Variants in TENM2 observed in about 807,000 individuals in gnomAD.
TENM2 encodes teneurin-2.
A neutral mutation model predicts 245.2 loss-of-function variants in TENM2; 52 were observed. That is an observed-to-expected ratio of 0.21 (90% CI 0.17 to 0.27). TENM2 has a LOEUF of 0.27. TENM2 is among the 10% of genes least tolerant of loss of function. TENM2 has a pLI of 1.00. For synonymous variants in TENM2, 1,363 were observed against 1,438.9 expected, an observed-to-expected ratio of 0.95 and a Z score of 1.19; for missense variants, 3,046 against 3,666.8, an observed-to-expected ratio of 0.83 and a Z score of 4.37.
chr5:167,071,322 T>C, the TENM2 span, among the ~76,000 whole-genome samples: 1 of 152,142 alleles, frequency 6.6e-6, no homozygotes, highest in Non-Finnish European at 1.5e-5. Flanking sequence ...GTAAACAGAC[T>C]TGATTATAAG....
At chr5:167,450,094 A>G (rs142303764) in intron 2 of TENM2, among the ~76,000 whole-genome samples, 2 of 152,300 alleles carry the variant, frequency 1.3e-5, no homozygotes, top group East Asian at 3.9e-4. Context: ...TAACTTTTAA[A>G]TATCTTTATA....
At chr5:167,131,197 G>A in the TENM2 span, among the ~76,000 whole-genome samples, 5 of 151,990 alleles carry the variant, frequency 3.3e-5, no homozygotes, top group Admixed American at 1.3e-4. Flanking sequence ...TTCTCACCAT[G>A]GTACAAACAT....
exon 1 of TENM2, chr5:167,284,939 G>T: frequency 6.4e-7 from 1 of 1,551,768 alleles, no homozygotes; most frequent in Non-Finnish European, 8.7e-7. Flanking sequence ...ACTGCCGCGT[G>T]CCCACACAGA....
intron 2 of TENM2, among the ~76,000 whole-genome samples, chr5:167,835,655 A>T (rs924570155): frequency 3.9e-5 from 6 of 152,206 alleles, no homozygotes; most frequent in African/African-American, 1.4e-4. Context: ...GTAGAATTGT[A>T]AGGACATGCA....
At chr5:167,592,694 A>G (rs757861399) in intron 2 of TENM2, among the ~76,000 whole-genome samples, 2 of 152,086 alleles carry the variant, frequency 1.3e-5, no homozygotes, top group Non-Finnish European at 2.9e-5. Flanking sequence ...AGCTTTTGGT[A>G]TTGTGCTATG....
At chr5:167,254,991 G>A in the TENM2 span, among the ~76,000 whole-genome samples, 4 of 152,050 alleles carry the variant, frequency 2.6e-5, no homozygotes, top group Admixed American at 6.6e-5. Flanking sequence ...CTTATAGGCC[G>A]TGGGAATGAA....
At chr5:167,825,833 C>T (rs1767925720) in intron 2 of TENM2, among the ~76,000 whole-genome samples, 1 of 150,880 alleles carries the variant, frequency 6.6e-6, no homozygotes, top group Non-Finnish European at 1.5e-5. Flanking sequence ...AGTAATACTT[C>T]TCAGCTCCAT....
intron 2 of TENM2, among the ~76,000 whole-genome samples, chr5:167,835,048 C>T (rs1333854376): frequency 6.6e-6 from 1 of 152,178 alleles, no homozygotes; most frequent in African/African-American, 2.4e-5. Flanking sequence ...CCTCGCACTG[C>T]CCCTGAGCAT....
At chr5:167,994,227 A>G (rs1470635722) in intron 5 of TENM2, among the ~76,000 whole-genome samples, 13 of 152,262 alleles carry the variant, frequency 8.5e-5, no homozygotes, top group Non-Finnish European at 1.8e-4. Flanking sequence ...AAACCCATAA[A>G]GCACCAGCTC....
chr5:167,952,363 C>A (rs926499403), intron 3 of TENM2: 6 of 589,498 alleles, frequency 1.0e-5, no homozygotes, highest in African/African-American at 1.9e-5. Context: ...ATTAGTTTCT[C>A]ATTATTCTTC....
At chr5:167,231,846 G>A in the TENM2 span, among the ~76,000 whole-genome samples, 1 of 151,662 alleles carries the variant, frequency 6.6e-6, no homozygotes, top group African/African-American at 2.4e-5. Flanking sequence ...CACAGGCCTG[G>A]AGGCCTAGGA....
chr5:168,001,245 A>G lies in TENM2; in HGVS notation c.1186+8063A>G, dbSNP rs3101755. Among the ~76,000 whole-genome samples, 883 of 152,296 alleles carry G rather than the reference A, an allele frequency of 5.8e-3. 10 individuals are homozygous for G. The highest frequency in any genetic ancestry group is 0.02 in the African/African-American group (836 of 41,558). On this transcript the variant is annotated intron_variant, in intron 5 of 28. Transcript: ENST00000518659. Reference sequence around the variant, plus strand: ...AGTTAGAAAGCACTTAGGCAAAGGAATGGTTAGGGGGCCATGTAAGCACCA... The same window carrying G: ...AGTTAGAAAGCACTTAGGCAAAGGAGTGGTTAGGGGGCCATGTAAGCACCA...
chr5:168,143,339 TA>T (rs1348614407), intron 12 of TENM2, among the ~76,000 whole-genome samples: 1 of 152,058 alleles, frequency 6.6e-6, no homozygotes, highest in African/African-American at 2.4e-5. Context: ...CAATACTTTA[TA>T]AAAATTACTT....
At chr5:168,094,163 G>A (rs1793172131) in intron 8 of TENM2, among the ~76,000 whole-genome samples, 1 of 152,114 alleles carries the variant, frequency 6.6e-6, no homozygotes, top group Non-Finnish European at 1.5e-5. Flanking sequence ...AGAATTACAG[G>A]AGCAAAGAGG....
At chr5:167,205,525 C>T in the TENM2 span, among the ~76,000 whole-genome samples, 7 of 152,220 alleles carry the variant, frequency 4.6e-5, no homozygotes, top group Non-Finnish European at 1.0e-4. Flanking sequence ...TATATATACT[C>T]TTCATTTGAA....
intron 2 of TENM2, among the ~76,000 whole-genome samples, chr5:167,619,695 A>G (rs182554026): frequency 5.3e-5 from 8 of 152,280 alleles, no homozygotes; most frequent in Non-Finnish European, 4.4e-5. Context: ...CTAATAAAAG[A>G]TATACTTAAT....
chr5:167,399,730 A>T (rs1191554475), intron 2 of TENM2, among the ~76,000 whole-genome samples: 1 of 152,170 alleles, frequency 6.6e-6, no homozygotes, highest in African/African-American at 2.4e-5. Context: ...TATTGTGAAG[A>T]GTAAATTAGT....
chr5:167,256,949 G>A, the TENM2 span, among the ~76,000 whole-genome samples: 5 of 152,022 alleles, frequency 3.3e-5, no homozygotes, highest in African/African-American at 1.2e-4. Flanking sequence ...AAGGGAGTTT[G>A]CTGAATGTTG....
At chr5:168,199,812 T>G in intron 16 of TENM2, 52 bp from the exon 19 acceptor site, 1 of 1,576,550 alleles carries the variant, frequency 6.3e-7, no homozygotes, top group East Asian at 2.2e-5. Context: ...GGTTACAGTT[T>G]ACCTGCACAG....
Sources: allele counts gnomAD v4.1 joint callset (sites outside exome capture counted in the v4.1 genomes callset), GRCh38; gene constraint gnomAD v4.1.1; transcripts MANE v1.5; gene names NCBI Gene and HGNC (gene_info 2026-07-23, HGNC 2026-07-21).